DCDC2C: variants seen among roughly 807,000 people sequenced by gnomAD.
DCDC2C encodes the protein doublecortin domain-containing protein 2C.
DCDC2C carries 44 observed loss-of-function variants against 45.0 expected under a neutral mutation model. The ratio of observed to expected loss-of-function variants is 0.98; its 90% CI spans 0.77 to 1.26. DCDC2C has a LOEUF of 1.26. Ranked by LOEUF, DCDC2C falls within the 50% of genes most tolerant of loss-of-function variation. The probability of loss-of-function intolerance (pLI) is 0.00; values close to 1 mark genes in which losing one functional copy is unlikely to be tolerated. For synonymous variants in DCDC2C, 187 were observed against 178.8 expected (o/e 1.05, Z -0.37); for missense variants, 447 against 468.9 (o/e 0.95, Z 0.43).
intron 3 of DCDC2C, among the ~76,000 whole-genome samples, chr2:3,736,157 G>A (rs1286404474): frequency 2.6e-5 from 4 of 152,174 alleles, no homozygotes; most frequent in African/African-American, 4.8e-5. Flanking sequence ...ACACCATGTC[G>A]GGGAACATAG....
At chr2:3,743,790 G>A (rs571426183) in intron 4 of DCDC2C, among the ~76,000 whole-genome samples, 27 of 152,308 alleles carry the variant, frequency 1.8e-4, no homozygotes, top group East Asian at 5.8e-4. Context: ...TACATTGGCC[G>A]GGTGCGGTGG....
intron 6 of DCDC2C, among the ~76,000 whole-genome samples, chr2:3,765,806 A>G (rs1669996994): frequency 1.3e-5 from 2 of 152,284 alleles, no homozygotes; most frequent in Non-Finnish European, 2.9e-5. Context: ...TGGATTACAT[A>G]TGCTGCTGTG....
intron 3 of DCDC2C, among the ~76,000 whole-genome samples, chr2:3,732,625 G>A (rs1668908019): frequency 6.6e-6 from 1 of 152,120 alleles, no homozygotes; most frequent in African/African-American, 2.4e-5. Flanking sequence ...GAGGGGAAAG[G>A]TGGCCTTAGT....
chr2:3,783,423 C>T (rs1024007723), intron 9 of DCDC2C, among the ~76,000 whole-genome samples: 1 of 152,192 alleles, frequency 6.6e-6, no homozygotes, highest in Non-Finnish European at 1.5e-5. Flanking sequence ...GATCCTTCTT[C>T]CCCAGGGAGC....
chr2:3,734,878 G>C lies in DCDC2C; in HGVS notation c.417-7042G>C, dbSNP rs747174227. On this transcript the variant is annotated intron_variant, in intron 3 of 10. Coordinates refer to ENST00000399143, the MANE Select transcript of DCDC2C (RefSeq NM_001287444.2). This position sits in a 1 kb window ranked among gnomAD's most constrained non-coding sequence, Gnocchi z 4.2. The stretch of plus-strand genomic sequence containing the variant: ...AAAGTACAGAGCCCTTCAGGTTCAT[G>C]AAAGTGTCTTTAGATAGGGGGTTCC... Among the ~76,000 whole-genome samples the C allele has an allele frequency of 6.6e-6, 1 of 152,306 alleles. No individual in the cohort carries two copies. Among genetic ancestry groups the C allele is most frequent in the Admixed American group, 6.5e-5 (1 of 15,306 alleles).
intron 2 of DCDC2C, among the ~76,000 whole-genome samples, chr2:3,722,958 G>C (rs984490777): frequency 2.0e-5 from 3 of 152,060 alleles, no homozygotes; most frequent in Non-Finnish European, 4.4e-5. Flanking sequence ...GGTACCCATG[G>C]CATTAGTTTT....
At chr2:3,754,952 C>T (rs113884241) in intron 6 of DCDC2C, among the ~76,000 whole-genome samples, 2,537 of 152,266 alleles carry the variant, frequency 0.017, 68 homozygotes, top group African/African-American at 0.059. Flanking sequence ...GAGTAACTGA[C>T]TCAAGCTTGG....
chr2:3,828,106 T>C (rs1671870469), intron 10 of DCDC2C, among the ~76,000 whole-genome samples: 1 of 152,228 alleles, frequency 6.6e-6, no homozygotes, highest in South Asian at 2.1e-4. Flanking sequence ...TTATAAAACA[T>C]ACATGGAACC....
chr2:3,763,359 C>T (rs1035755427), intron 6 of DCDC2C, among the ~76,000 whole-genome samples: 10 of 152,302 alleles, frequency 6.6e-5, no homozygotes, highest in Middle Eastern at 3.4e-3. Context: ...CGCTGGTGAG[C>T]GCGGCTCGAG....
intron 10 of DCDC2C, among the ~76,000 whole-genome samples, chr2:3,816,961 T>G (rs1340591821): frequency 6.6e-6 from 1 of 152,162 alleles, no homozygotes; most frequent in African/African-American, 2.4e-5. Context: ...GTAACCTACA[T>G]GGAAGAGGTT....
chr2:3,827,554 T>C (rs1437651536), intron 10 of DCDC2C, among the ~76,000 whole-genome samples: 3 of 152,216 alleles, frequency 2.0e-5, no homozygotes, highest in Non-Finnish European at 4.4e-5. Flanking sequence ...TCATTTTAAT[T>C]GTTGATATTA....
intron 10 of DCDC2C, among the ~76,000 whole-genome samples, chr2:3,805,594 C>A (rs1671217867): frequency 6.6e-6 from 1 of 152,226 alleles, no homozygotes; most frequent in Non-Finnish European, 1.5e-5. Flanking sequence ...TCTAGTGCTT[C>A]TGTGAAATGT....
At chr2:3,720,803 G>A (rs1193608882) in intron 2 of DCDC2C, among the ~76,000 whole-genome samples, 2 of 152,160 alleles carry the variant, frequency 1.3e-5, no homozygotes, top group Non-Finnish European at 2.9e-5. Context: ...TGTCTTGGTG[G>A]AAAGGTATTT....
chr2:3,783,572 C>G (rs1363668274), intron 9 of DCDC2C, among the ~76,000 whole-genome samples: 1 of 152,256 alleles, frequency 6.6e-6, no homozygotes, highest in Non-Finnish European at 1.5e-5. Context: ...AAGGAAGAGT[C>G]TCGACTTAAT....
At chr2:3,767,187 G>T (rs1282445837) in intron 6 of DCDC2C, among the ~76,000 whole-genome samples, 1 of 152,236 alleles carries the variant, frequency 6.6e-6, no homozygotes, top group African/African-American at 2.4e-5. Flanking sequence ...TTGAGGAGCA[G>T]GTATCTGCAT....
intron 10 of DCDC2C, among the ~76,000 whole-genome samples, chr2:3,797,807 A>C (rs199722791): frequency 6.6e-6 from 1 of 150,566 alleles, no homozygotes; most frequent in Admixed American, 6.6e-5. Context: ...GTCAATTTTG[A>C]AATAGGTGTG....
At chr2:3,709,369 G>T (rs1228401227) in intron 2 of DCDC2C, among the ~76,000 whole-genome samples, 1 of 152,202 alleles carries the variant, frequency 6.6e-6, no homozygotes, top group Non-Finnish European at 1.5e-5. Context: ...CTAGTTAAGG[G>T]CTTCCCCTCC....
At chr2:3,806,857 T>C (rs1471642597) in intron 10 of DCDC2C, among the ~76,000 whole-genome samples, 1 of 152,020 alleles carries the variant, frequency 6.6e-6, no homozygotes, top group Admixed American at 6.6e-5. Context: ...CATCTTTGAG[T>C]TTCTTTGTTG....
At chr2:3,753,584 G>A (rs767022054) in intron 5 of DCDC2C, among the ~76,000 whole-genome samples, 10 of 152,120 alleles carry the variant, frequency 6.6e-5, no homozygotes, top group Non-Finnish European at 1.0e-4. Flanking sequence ...TCATTATCTC[G>A]AGCAAAGAAA....
Sources: gnomAD v4.1 joint callset for allele counts (sites outside exome capture counted in the v4.1 genomes callset) on GRCh38, gnomAD v4.1.1 for gene constraint, Gnocchi (gnomAD v3.1) non-coding constraint, MANE v1.5 for transcripts, NCBI Gene and HGNC (gene_info 2026-07-23, HGNC 2026-07-21) for gene names.